The following TACR1 variants were observed in gnomAD, a reference collection of about 807,000 sequenced individuals.
TACR1 encodes the protein tachykinin receptor 1.
Under a neutral mutation model 35.8 loss-of-function variants are expected in TACR1, and 25 were observed. The observed-to-expected ratio is 0.70, with a 90% CI of 0.51 to 0.98. TACR1 has a LOEUF of 0.98. Among genes scored for constraint, TACR1 ranks in the 50% least tolerant of loss-of-function variants. The pLI is 0.00. For missense variants in TACR1, 478 were observed against 522.9 expected (o/e 0.91, Z 0.84); for synonymous variants, 195 against 206.7 (o/e 0.94, Z 0.48).
At chr2:75,176,463 T>A (rs1675422247) in intron 1 of TACR1, among the ~76,000 whole-genome samples, 1 of 152,126 alleles carries the variant, frequency 6.6e-6, no homozygotes, top group African/African-American at 2.4e-5. Context: ...AAAACTTCAA[T>A]CTCCTTTAAA....
At chr2:75,063,792 T>C (rs1193416551) in intron 2 of TACR1, among the ~76,000 whole-genome samples, 1 of 152,254 alleles carries the variant, frequency 6.6e-6, no homozygotes, top group Non-Finnish European at 1.5e-5. Context: ...TCAGAACACG[T>C]AGGACTTTAA....
At chr2:75,119,097 A>C (rs1673917294) in intron 2 of TACR1, among the ~76,000 whole-genome samples, 2 of 152,250 alleles carry the variant, frequency 1.3e-5, no homozygotes, top group Non-Finnish European at 2.9e-5. Context: ...CAGATGCAGC[A>C]GGGTAACTGT....
In TACR1 at chr2:75,147,613, A is replaced by C. The variant is rs144954884; in HGVS notation, c.390-26845T>G. On this transcript the variant is annotated intron_variant, in intron 1 of 4. Transcript: ENST00000305249. Reference sequence around the variant, plus strand: ...ATGTGTTGTTCCCCTCCCTGTGTCCATGTGTTTTCATTGTTCAACTCCAAC... The same window carrying C: ...ATGTGTTGTTCCCCTCCCTGTGTCCCTGTGTTTTCATTGTTCAACTCCAAC... Among the ~76,000 whole-genome samples, 889 of 151,940 alleles carry C rather than the reference A, an allele frequency of 5.9e-3. 9 individuals are homozygous for C. The highest frequency in any genetic ancestry group is 0.02 in the African/African-American group (842 of 41,422).
chr2:75,068,395 A>G (rs1226898289), intron 2 of TACR1, among the ~76,000 whole-genome samples: 1 of 152,176 alleles, frequency 6.6e-6, no homozygotes, highest in African/African-American at 2.4e-5. Context: ...CTTCACAGCA[A>G]CATATGGACT....
intron 1 of TACR1, among the ~76,000 whole-genome samples, chr2:75,181,505 G>A (rs1156278766): frequency 2.0e-5 from 3 of 152,206 alleles, no homozygotes; most frequent in African/African-American, 7.2e-5. Context: ...AAACCATAGT[G>A]GATTTAACAT....
At chr2:75,085,279 C>A (rs1024719863) in intron 2 of TACR1, among the ~76,000 whole-genome samples, 1 of 152,078 alleles carries the variant, frequency 6.6e-6, no homozygotes, top group Non-Finnish European at 1.5e-5. Context: ...TTTCCAGCCC[C>A]TTACCCTCCA....
intron 2 of TACR1, among the ~76,000 whole-genome samples, chr2:75,084,816 CTTTTCTT>C (rs1400405059): frequency 6.6e-6 from 1 of 152,130 alleles, no homozygotes; most frequent in Non-Finnish European, 1.5e-5. Flanking sequence ...ATTCTTCTCT[CTTTTCTT>C]TTTTATTAGT....
chr2:75,149,683 G>A (rs1047064413), intron 1 of TACR1, among the ~76,000 whole-genome samples: 2 of 152,042 alleles, frequency 1.3e-5, no homozygotes, highest in South Asian at 2.1e-4. Context: ...TGTCATCTGC[G>A]AACAGAGACA....
At chr2:75,086,627 G>A (rs564913370) in intron 2 of TACR1, among the ~76,000 whole-genome samples, 1 of 152,320 alleles carries the variant, frequency 6.6e-6, no homozygotes, top group East Asian at 1.9e-4. Flanking sequence ...TGGTCCATAT[G>A]TGAGGAAAAG....
At chr2:75,087,578 A>T (rs1673212853) in intron 2 of TACR1, among the ~76,000 whole-genome samples, 1 of 152,190 alleles carries the variant, frequency 6.6e-6, no homozygotes, top group African/African-American at 2.4e-5. Context: ...CACCAACCCA[A>T]GCAACTTTAA....
chr2:75,072,359 A>G (rs1186305791), intron 2 of TACR1, among the ~76,000 whole-genome samples: 1 of 152,212 alleles, frequency 6.6e-6, no homozygotes, highest in African/African-American at 2.4e-5. Flanking sequence ...ATCGCCAAGT[A>G]TCATAATCAA....
intron 2 of TACR1, among the ~76,000 whole-genome samples, chr2:75,113,532 C>CTTTTTTTTTTTTTTTTTT (rs11437762): frequency 7.6e-5 from 7 of 92,082 alleles, no homozygotes; most frequent in African/African-American, 1.8e-4. Flanking sequence ...TTTCTTCTTC[C>CTTTTTTTTTTTTTTTTTT]TTTTTTTTTT....
At chr2:75,101,532 G>T (rs1016150242) in intron 2 of TACR1, among the ~76,000 whole-genome samples, 2 of 152,106 alleles carry the variant, frequency 1.3e-5, no homozygotes, top group Admixed American at 1.3e-4. Context: ...AAGTCACATA[G>T]CTCATGAGTG....
chr2:75,080,017 A>C (rs1673053335), intron 2 of TACR1, among the ~76,000 whole-genome samples: 1 of 152,194 alleles, frequency 6.6e-6, no homozygotes, highest in African/African-American at 2.4e-5. Context: ...TTCTGTCCAC[A>C]GATCATAGCA....
chr2:75,063,692 A>G (rs1236377403), intron 2 of TACR1, among the ~76,000 whole-genome samples: 2 of 152,104 alleles, frequency 1.3e-5, no homozygotes, highest in African/African-American at 4.8e-5. Flanking sequence ...CTCAACTTTT[A>G]TGACTTTGTA....
chr2:75,113,455 A>C lies in TACR1; in HGVS notation c.584+7119T>G, dbSNP rs76347849. 6.5e-3 allele frequency among the ~76,000 whole-genome samples: 977 copies of C among 149,418 alleles called. 10 individuals carry two copies. The highest frequency in any genetic ancestry group is 0.023 in the African/African-American group (924 of 40,830). Reference sequence around the variant, plus strand: ...TCTGCACAATGTCTACCAGAAATGTAGTAAAATTTCTGGCATTTGTGTGGC... The same window carrying C: ...TCTGCACAATGTCTACCAGAAATGTCGTAAAATTTCTGGCATTTGTGTGGC... On this transcript the variant is annotated intron_variant, in intron 2 of 4. Coordinates refer to ENST00000305249, the MANE Select transcript of TACR1 (RefSeq NM_001058.4).
chr2:75,085,684 GATA>G lies in TACR1; in HGVS notation c.585-31932_585-31930del, dbSNP rs530420564. On this transcript the variant is annotated intron_variant, in intron 2 of 4. Transcript: ENST00000305249. ...GTGAATGACTGAGCAATGTCTGGGA[GATA>G]ATGAGGGTAATAACGGTGACCTGGC... 1.9e-4 allele frequency among the ~76,000 whole-genome samples: 29 copies of G among 152,280 alleles called. No homozygotes were observed. In the East Asian group the frequency reaches 4.1e-3, roughly 21 times the overall value.
At position 75,132,812 on chromosome 2, in the gene TACR1, G is replaced by A. The variant is rs116818248; in HGVS notation, c.390-12044C>T. 9.6e-3 allele frequency among the ~76,000 whole-genome samples: 1,468 copies of A among 152,302 alleles called. 21 individuals carry two copies. Among genetic ancestry groups the A allele is most frequent in the African/African-American group, 0.034 (1,404 of 41,564 alleles). On this transcript the variant is annotated intron_variant, in intron 1 of 4. Coordinates refer to ENST00000305249, the MANE Select transcript of TACR1 (RefSeq NM_001058.4). Reference sequence around the variant, plus strand: ...CAAACTGGATTTCAGAGTGAGGTTTGTTTTAGACCAACCAACTTAAATGAA... The same window carrying A: ...CAAACTGGATTTCAGAGTGAGGTTTATTTTAGACCAACCAACTTAAATGAA...
At chr2:75,053,924 G>C (rs940496610) in intron 2 of TACR1, among the ~76,000 whole-genome samples, 169 bp from the exon 3 acceptor site, 1 of 152,080 alleles carries the variant, frequency 6.6e-6, no homozygotes, top group Non-Finnish European at 1.5e-5. Context: ...ACCTGCATAG[G>C]GTGGATAGGT....
Sources: gnomAD v4.1 joint callset for allele counts (sites outside exome capture counted in the v4.1 genomes callset) on GRCh38, gnomAD v4.1.1 for gene constraint, MANE v1.5 for transcripts, NCBI Gene and HGNC (gene_info 2026-07-23, HGNC 2026-07-21) for gene names.